The following TOMM40L variants were observed in gnomAD, a reference collection of about 807,000 sequenced individuals.
TOMM40L encodes the protein translocase of outer mitochondrial membrane 40 like, also known as mitochondrial import receptor subunit TOM40B.
TOMM40L carries 17 observed loss-of-function variants against 38.3 expected under a neutral mutation model. The ratio of observed to expected loss-of-function variants is 0.44; its 90% CI spans 0.30 to 0.67. The LOEUF (loss-of-function observed/expected upper bound fraction) is 0.67, where lower values mean the gene tolerates loss of function less well. Among genes scored for constraint, TOMM40L ranks in the 30% least tolerant of loss-of-function variants. TOMM40L has a pLI of 0.08. For synonymous variants in TOMM40L, 151 were observed against 150.2 expected, an observed-to-expected ratio of 1.01 and a Z score of -0.04; for missense variants, 294 against 390.0, an observed-to-expected ratio of 0.75 and a Z score of 2.07.
Position 161,226,555 on chromosome 1 carries a change from A to G in TOMM40L, c.66A>G (p.Glu22=), listed in dbSNP as rs1338771752. 1.9e-6 allele frequency: 3 copies of G among 1,613,606 alleles called. No homozygotes were observed. Among genetic ancestry groups the G allele is most frequent in the Non-Finnish European group, 2.5e-6 (3 of 1,179,908 alleles). The stretch of plus-strand genomic sequence containing the variant: ...CCCGCCGGAGCCCCCGCCGAGAGGA[A>G]CCCCTGCCCAACCCTGGGAGCTTCG... ...TLPRRSPRRE[E]PLPNPGSFDE... The change falls in exon 2 of 10, where the codon GAA becomes GAG. Residue 22 remains glutamate, a synonymous_variant. Coordinates refer to ENST00000367988, the MANE Select transcript of TOMM40L (RefSeq NM_032174.6).
chr1:161,229,604 C>T lies in TOMM40L; in HGVS notation c.*509C>T. ...TTCCTCCTTCCCATCTTCTGTGCTT[C>T]CAGAGAACAACTTTGTTCCTATGGT... On this transcript the variant is annotated 3_prime_UTR_variant, in exon 10 of 10. Coordinates refer to ENST00000367988, the MANE Select transcript of TOMM40L (RefSeq NM_032174.6). 2 of 1,592,032 alleles carry T rather than the reference C, an allele frequency of 1.3e-6. No individual in the cohort carries two copies. The highest frequency in any genetic ancestry group is 1.7e-6 in the Non-Finnish European group (2 of 1,167,236).
At position 161,229,756 on chromosome 1, in the gene TOMM40L, A is replaced by G; in HGVS notation, c.*661A>G. 3 of 1,614,188 alleles carry G rather than the reference A, an allele frequency of 1.9e-6. No individual in the cohort carries two copies. The highest frequency in any genetic ancestry group is 2.5e-6 in the Non-Finnish European group (3 of 1,180,044). On this transcript the variant is annotated 3_prime_UTR_variant, in exon 10 of 10. Transcript: ENST00000367988. ...AGCATTTTCCCACTCCAGTGTATCC[A>G]GGGTGTTCCAGGTGAGCTGGGGAAG...
intron 5 of TOMM40L, 69 bp from the exon 6 acceptor site, chr1:161,227,814 GA>G: frequency 6.2e-7 from 1 of 1,605,214 alleles, no homozygotes; most frequent in Non-Finnish European, 8.5e-7. Flanking sequence ...TGAGGGCTTG[GA>G]AGGAGGAGCA....
At chr1:161,226,863 C>T in intron 2 of TOMM40L, 25 bp from the exon 3 acceptor site, 1 of 1,612,648 alleles carries the variant, frequency 6.2e-7, no homozygotes, top group Non-Finnish European at 8.5e-7. Flanking sequence ...TGTGCTTATT[C>T]CTTCCCTTCC....
At chr1:161,226,205 G>T in intron 1 of TOMM40L, 69 bp downstream of exon 1, 1 of 378,250 alleles carries the variant, frequency 2.6e-6, no homozygotes, top group Non-Finnish European at 4.9e-6. Flanking sequence ...AGGCTAGGGA[G>T]CTAGGTGAAG....
Position 161,227,864 on chromosome 1 carries a change from T to G in TOMM40L, c.379-20T>G, listed in dbSNP as rs1169814861. On this transcript the variant is annotated intron_variant, in intron 5 of 9. Transcript: ENST00000367988. ...TCATAAAGAGGGAGGGAGATTTTAC[T>G]TCTTGCTCTTGCCACCCAGACGCAG... 6.2e-7 allele frequency: 1 copy of G among 1,613,620 alleles called. No individual in the cohort carries two copies. Among genetic ancestry groups the G allele is most frequent in the Admixed American group, 1.7e-5 (1 of 60,004 alleles).
In TOMM40L at chr1:161,228,250, T is replaced by C; in HGVS notation, c.549T>C (p.Val183=). ...THRLVLGGEL[V]YHRRPGEEGA... ...GGCTGGTGCTGGGAGGAGAGCTAGT[T>C]TATCACCGGCGGCCAGGCGAAGAGG... is the stretch of plus-strand genomic sequence containing the variant. The change falls in exon 7 of 10, where the codon GTT becomes GTC. Residue 183 remains valine, a synonymous_variant. Coordinates refer to ENST00000367988, the MANE Select transcript of TOMM40L (RefSeq NM_032174.6). 6.2e-7 allele frequency: 1 copy of C among 1,607,900 alleles called. No homozygotes were observed. Among genetic ancestry groups the C allele is most frequent in the African/African-American group, 1.3e-5 (1 of 74,874 alleles).
At chr1:161,227,612 A>C (rs926446562) in intron 4 of TOMM40L, 24 bp from the exon 5 acceptor site, 1 of 1,601,894 alleles carries the variant, frequency 6.2e-7, no homozygotes, top group Non-Finnish European at 8.5e-7. Flanking sequence ...GCTCAGCCTT[A>C]CTACTGTGTA....
chr1:161,229,325 C>T lies in TOMM40L; in HGVS notation c.*230C>T, dbSNP rs1159096540. On this transcript the variant is annotated 3_prime_UTR_variant, in exon 10 of 10. Transcript: ENST00000367988. ...GCTACCAGCCCCAGTATCACCTTCC[C>T]CATGCTCTTGTGGCTGTGGACTAAG... 14 of 643,810 alleles carry T rather than the reference C, an allele frequency of 2.2e-5. No individual in the cohort carries two copies. The highest frequency in any genetic ancestry group is 3.2e-5 in the Non-Finnish European group (12 of 377,250). 39.9% of individuals were successfully genotyped at this position (643,810 alleles called of 1,614,324 possible).
intron 5 of TOMM40L, 35 bp from the exon 6 acceptor site, chr1:161,227,849 G>A: frequency 6.2e-7 from 1 of 1,609,894 alleles, no homozygotes; most frequent in Non-Finnish European, 8.5e-7. Flanking sequence ...TCATAAAGAG[G>A]GAGGGAGATT....
At position 161,230,481 on chromosome 1, in the gene TOMM40L, TC is replaced by T; in HGVS notation, c.*1387del. 1 of 496,412 alleles carries T rather than the reference TC, an allele frequency of 2.0e-6. No homozygotes were observed. The highest frequency in any genetic ancestry group is 5.1e-4 in the Middle Eastern group (1 of 1,948). The allele number at this position is 496,412 out of a possible 1,614,324, so 30.8% of individuals were successfully genotyped here. ...AGGAAAGGCCAAGGGAAGAGAAAAGTCTGCGTTAGTCTGGAGAAGTTGGACT... is the reference window on the plus strand; with the variant it reads ...AGGAAAGGCCAAGGGAAGAGAAAAGTTGCGTTAGTCTGGAGAAGTTGGACT... On this transcript the variant is annotated 3_prime_UTR_variant, in exon 10 of 10. Coordinates refer to ENST00000367988, the MANE Select transcript of TOMM40L (RefSeq NM_032174.6).
Position 161,228,006 on chromosome 1 carries a change from G to C in TOMM40L, c.484+17G>C, listed in dbSNP as rs1321135106. On this transcript the variant is annotated intron_variant, in intron 6 of 9. Transcript: ENST00000367988. Reference sequence around the variant, plus strand: ...GGGAGTCGGGTGAGGAACTGGGACAGGGTTCTTTTTATCTTGGCGGCCCAT... The same window carrying C: ...GGGAGTCGGGTGAGGAACTGGGACACGGTTCTTTTTATCTTGGCGGCCCAT... 6.2e-7 allele frequency: 1 copy of C among 1,613,072 alleles called. No individual in the cohort carries two copies.
chr1:161,227,745 C>G lies in TOMM40L; in HGVS notation c.378+8C>G. ...GCTAAGGCTGTCTTCCAGGTGACCA[C>G]AGTTCCTGCCTCCATCCCCTGAGGC... On this transcript the variant is annotated splice_region_variant and intron_variant, in intron 5 of 9. Transcript: ENST00000367988. 6.2e-7 allele frequency: 1 copy of G among 1,612,902 alleles called. No homozygotes were observed. Among genetic ancestry groups the G allele is most frequent in the Non-Finnish European group, 8.5e-7 (1 of 1,179,694 alleles).
Position 161,226,152 on chromosome 1 carries a change from C to G in TOMM40L, c.-136+16C>G, listed in dbSNP as rs772568803. Reference sequence around the variant, plus strand: ...GTCTGAGATGGTAAGGGATACTGCACCATTGCGGGCCTGGTCTTGGGGCCT... The same window carrying G: ...GTCTGAGATGGTAAGGGATACTGCAGCATTGCGGGCCTGGTCTTGGGGCCT... On this transcript the variant is annotated intron_variant, in intron 1 of 9. Transcript: ENST00000367988. 2 of 247,918 alleles carry G rather than the reference C, an allele frequency of 8.1e-6. No homozygotes were observed. Among genetic ancestry groups the G allele is most frequent in the Non-Finnish European group, 1.6e-5 (2 of 126,508 alleles). The allele number at this position is 247,918 out of a possible 1,614,324, so 15.4% of individuals were successfully genotyped here.
Position 161,228,200 on chromosome 1 carries a change from C to T in TOMM40L, c.499C>T (p.His167Tyr), listed in dbSNP as rs753224917. Residue 167 changes from histidine (H) to tyrosine (Y), a missense_variant, in exon 7 of 10, where the codon CAC (histidine) becomes TAC (tyrosine). By Grantham distance (83) the His-to-Tyr change is moderately conservative. Coordinates refer to ENST00000367988, the MANE Select transcript of TOMM40L (RefSeq NM_032174.6). The stretch of plus-strand genomic sequence containing the variant: ...TTCCCCCACAGTGATCATGGTTGCT[C>T]ACTTCCTGCAGAGCCTCACTCATCG... Reference protein sequence around the residue: ...LIGESVIMVAHFLQSLTHRLV... With the variant: ...LIGESVIMVAYFLQSLTHRLV... The T allele has an allele frequency of 7.5e-6, 12 of 1,594,738 alleles. No homozygotes were observed. The highest frequency in any genetic ancestry group is 1.0e-5 in the Non-Finnish European group (12 of 1,168,796).
chr1:161,228,269 G>A lies in TOMM40L; in HGVS notation c.568G>A (p.Glu190Lys), dbSNP rs764636511. 6 of 1,607,186 alleles carry A rather than the reference G, an allele frequency of 3.7e-6. No individual in the cohort carries two copies. Among genetic ancestry groups the A allele is most frequent in the Non-Finnish European group, 5.1e-6 (6 of 1,175,854 alleles). Residue 190 changes from glutamate (E) to lysine (K), a missense_variant, in exon 7 of 10, where the codon GAA becomes AAA. Physicochemically the swap from Glu to Lys is moderately conservative, Grantham distance 56 (BLOSUM62 1). Transcript: ENST00000367988. ...GELVYHRRPG[E>K]EGAILTLAGK... Reference sequence around the variant, plus strand: ...GCTAGTTTATCACCGGCGGCCAGGCGAAGAGGGGGCCATCTTGACACTGGC... The same window carrying A: ...GCTAGTTTATCACCGGCGGCCAGGCAAAGAGGGGGCCATCTTGACACTGGC...
In TOMM40L at chr1:161,227,718, G is replaced by A. The variant is rs746163026; in HGVS notation, c.359G>A (p.Arg120Gln). The A allele has an allele frequency of 5.6e-6, 9 of 1,613,288 alleles. 1 individual carries two copies. Among genetic ancestry groups the A allele is most frequent in the South Asian group, 5.5e-5 (5 of 91,028 alleles). ...TTGCTCCTCTTGGCAGAGCGGCTCCGAGCTAAGGCTGTCTTCCAGGTGACC... is the reference window on the plus strand; with the variant it reads ...TTGCTCCTCTTGGCAGAGCGGCTCCAAGCTAAGGCTGTCTTCCAGGTGACC... ...QVLLLLAERL[R>Q]AKAVFQTQQA... The change falls in exon 5 of 10, where the codon CGA becomes CAA. Residue 120 changes from arginine (R) to glutamine (Q), a missense_variant. Coordinates refer to ENST00000367988, the MANE Select transcript of TOMM40L (RefSeq NM_032174.6).
Position 161,227,707 on chromosome 1 carries a change from A to T in TOMM40L, c.348A>T (p.Ala116=), listed in dbSNP as rs917995421. Residue 116 remains alanine, a synonymous_variant, in exon 5 of 10, where the codon GCA becomes GCT. Coordinates refer to ENST00000367988, the MANE Select transcript of TOMM40L (RefSeq NM_032174.6). ...SLNAQVLLLL[A]ERLRAKAVFQ... ...ACGCCCAGGTCTTGCTCCTCTTGGC[A>T]GAGCGGCTCCGAGCTAAGGCTGTCT... 19 of 1,613,288 alleles carry T rather than the reference A, an allele frequency of 1.2e-5. No individual in the cohort carries two copies. Among genetic ancestry groups the T allele is most frequent in the Admixed American group, 1.2e-4 (7 of 60,006 alleles).
At chr1:161,228,896 T>C in intron 9 of TOMM40L, 60 bp from the exon 10 acceptor site, 1 of 1,613,824 alleles carries the variant, frequency 6.2e-7, no homozygotes, top group Non-Finnish European at 8.5e-7. Context: ...ACCTTACTTC[T>C]GGTGACTATT....
Sources: allele counts gnomAD v4.1 joint callset, GRCh38; gene constraint gnomAD v4.1.1; transcripts MANE v1.5; gene names NCBI Gene and HGNC (gene_info 2026-07-23, HGNC 2026-07-21).